ASIC2: variants seen among roughly 807,000 people sequenced by gnomAD.
ASIC2 encodes the protein acid-sensing ion channel 2.
ASIC2 carries 25 observed loss-of-function variants against 57.3 expected under a neutral mutation model. The ratio of observed to expected loss-of-function variants is 0.44; its 90% CI spans 0.32 to 0.61. The LOEUF (loss-of-function observed/expected upper bound fraction) is 0.61. Among genes scored for constraint, ASIC2 ranks in the 20% least tolerant of loss-of-function variants. The probability of loss-of-function intolerance (pLI) is 0.06; values close to 1 mark genes in which losing one functional copy is unlikely to be tolerated. For synonymous variants in ASIC2, 319 were observed against 307.5 expected (o/e 1.04, Z -0.39); for missense variants, 641 against 738.1 (o/e 0.87, Z 1.52).
chr17:33,483,701 A>G (rs1410754176), intron 1 of ASIC2, among the ~76,000 whole-genome samples: 2 of 152,196 alleles, frequency 1.3e-5, no homozygotes, highest in East Asian at 3.9e-4. Flanking sequence ...TTCATGCTCT[A>G]TCTTATGGCC....
chr17:33,996,030 T>G (rs1906149051), intron 1 of ASIC2, among the ~76,000 whole-genome samples: 1 of 152,230 alleles, frequency 6.6e-6, no homozygotes, highest in East Asian at 1.9e-4. Context: ...ATCTTTTTTA[T>G]AATATCCATT....
At chr17:33,698,136 C>T (rs1380679639) in intron 1 of ASIC2, among the ~76,000 whole-genome samples, 1 of 152,148 alleles carries the variant, frequency 6.6e-6, no homozygotes, top group African/African-American at 2.4e-5. Context: ...TTTTAATTTT[C>T]ACGAGGAGTT....
chr17:33,206,316 G>A (rs1255471961), intron 1 of ASIC2, among the ~76,000 whole-genome samples: 1 of 152,118 alleles, frequency 6.6e-6, no homozygotes, highest in Admixed American at 6.5e-5. Flanking sequence ...GAGGGAGAGG[G>A]AAGGCCACCA....
At chr17:33,187,236 C>T (rs1458740661) in intron 1 of ASIC2, among the ~76,000 whole-genome samples, 5 of 152,140 alleles carry the variant, frequency 3.3e-5, no homozygotes, top group Non-Finnish European at 7.4e-5. Flanking sequence ...GACCACATGT[C>T]GAACAACCAA....
chr17:33,905,832 T>G (rs1454087493), intron 1 of ASIC2, among the ~76,000 whole-genome samples: 1 of 151,948 alleles, frequency 6.6e-6, no homozygotes, highest in Non-Finnish European at 1.5e-5. Context: ...TTTTTTTGCA[T>G]CAGGTTCTTG....
At chr17:34,065,241 T>C (rs1307191582) in intron 1 of ASIC2, among the ~76,000 whole-genome samples, 1 of 152,182 alleles carries the variant, frequency 6.6e-6, no homozygotes, top group Non-Finnish European at 1.5e-5. Context: ...TTGGATGAGA[T>C]TGGAGACTAT....
At chr17:33,157,475 C>T (rs910315375) in intron 1 of ASIC2, among the ~76,000 whole-genome samples, 1 of 152,186 alleles carries the variant, frequency 6.6e-6, no homozygotes, top group Non-Finnish European at 1.5e-5. Flanking sequence ...TCATCTGCCT[C>T]CTGTACATGT....
chr17:33,318,185 G>T (rs1416130229), intron 1 of ASIC2, among the ~76,000 whole-genome samples: 1 of 152,096 alleles, frequency 6.6e-6, no homozygotes, highest in Non-Finnish European at 1.5e-5. Context: ...CTTCGAGGGG[G>T]CTTGCCCTCC....
chr17:33,053,483 G>C (rs1567727912), intron 3 of ASIC2, among the ~76,000 whole-genome samples: 1 of 152,128 alleles, frequency 6.6e-6, no homozygotes, highest in Non-Finnish European at 1.5e-5. Flanking sequence ...GTGTGAAAAG[G>C]ACCTACAGAT....
chr17:33,712,619 C>T (rs1217436950), intron 1 of ASIC2, among the ~76,000 whole-genome samples: 1 of 146,412 alleles, frequency 6.8e-6, no homozygotes, highest in Non-Finnish European at 1.5e-5. Context: ...GCTTTGCTTC[C>T]AAGCTTACTC....
rs1210482095 is a variant in ASIC2 at position 33,292,301 on chromosome 17, CG to C, written c.-187del. 1 of 986,576 alleles carries C rather than the reference CG, an allele frequency of 1.0e-6. No homozygotes were observed. The highest frequency in any genetic ancestry group is 1.2e-6 in the Non-Finnish European group (1 of 831,668). 61.1% of individuals were successfully genotyped at this position (986,576 alleles called of 1,614,324 possible). On this transcript the variant is annotated 5_prime_UTR_variant, in exon 1 of 10. Transcript: ENST00000225823. ...CCCGGCGCCGCCGCTGCCGCCTCCG[CG>C]GGCGCCCGCCCGGGGCTGAGCGCCG...
chr17:33,203,739 C>A (rs1407932015), intron 1 of ASIC2, among the ~76,000 whole-genome samples: 2 of 152,174 alleles, frequency 1.3e-5, no homozygotes, highest in African/African-American at 2.4e-5. Context: ...CCTCAGGTCC[C>A]TGCTCATATA....
At chr17:33,086,049 A>G (rs925463515) in intron 3 of ASIC2, among the ~76,000 whole-genome samples, 4 of 152,138 alleles carry the variant, frequency 2.6e-5, no homozygotes, top group Admixed American at 6.5e-5. Context: ...TCCTCATCCT[A>G]CTCACCATAG....
intron 1 of ASIC2, among the ~76,000 whole-genome samples, chr17:34,131,016 G>A (rs1275190616): frequency 2.0e-5 from 3 of 152,190 alleles, no homozygotes; most frequent in Non-Finnish European, 4.4e-5. Context: ...ATTAGCAGAT[G>A]AGCAGACTTT....
At chr17:33,717,848 G>C (rs1255117138) in intron 1 of ASIC2, among the ~76,000 whole-genome samples, 1 of 152,148 alleles carries the variant, frequency 6.6e-6, no homozygotes, top group Non-Finnish European at 1.5e-5. Flanking sequence ...TATAAAAGCT[G>C]AGCTTAGTAC....
chr17:33,646,631 A>AAC (rs1906749467), intron 1 of ASIC2, among the ~76,000 whole-genome samples: 1 of 152,222 alleles, frequency 6.6e-6, no homozygotes, highest in Non-Finnish European at 1.5e-5. Context: ...AGGTATTGGA[A>AAC]ACAGAAATAA....
chr17:33,326,555 G>A (rs1907086169), intron 1 of ASIC2, among the ~76,000 whole-genome samples: 1 of 152,130 alleles, frequency 6.6e-6, no homozygotes, highest in African/African-American at 2.4e-5. Flanking sequence ...CTTAGTACCT[G>A]ACACAAGCAA....
At chr17:34,059,726 C>T (rs552301124) in intron 1 of ASIC2, among the ~76,000 whole-genome samples, 3 of 152,062 alleles carry the variant, frequency 2.0e-5, no homozygotes, top group Admixed American at 1.3e-4. Context: ...CCGGCTTTCC[C>T]CTACTTCCCT....
intron 1 of ASIC2, among the ~76,000 whole-genome samples, chr17:33,866,744 G>A (rs1386537318): frequency 6.6e-6 from 1 of 152,166 alleles, no homozygotes; most frequent in Non-Finnish European, 1.5e-5. Context: ...AATGGATTGA[G>A]TGAGGAAGTG....
Sources: allele counts gnomAD v4.1 joint callset (sites outside exome capture counted in the v4.1 genomes callset), GRCh38; gene constraint gnomAD v4.1.1; transcripts MANE v1.5; gene names NCBI Gene and HGNC (gene_info 2026-07-23, HGNC 2026-07-21).